PCDH15: variants seen among roughly 807,000 people sequenced by gnomAD.
PCDH15 encodes the protein protocadherin related 15, also known as protocadherin-15.
A neutral mutation model predicts 178.5 loss-of-function variants in PCDH15; 129 were observed. The observed-to-expected ratio is 0.72, with a 90% CI of 0.63 to 0.84. The LOEUF (loss-of-function observed/expected upper bound fraction) is 0.84. Among genes scored for constraint, PCDH15 ranks in the 40% least tolerant of loss-of-function variants. The pLI, the probability that PCDH15 is intolerant of heterozygous loss-of-function variation, is 0.00. For missense variants in PCDH15, 2,230 were observed against 2,099.9 expected, an observed-to-expected ratio of 1.06 and a Z score of -1.21; for synonymous variants, 800 against 732.0, an observed-to-expected ratio of 1.09 and a Z score of -1.50.
chr10:55,074,896 G>A (rs1362687247), intron 2 of PCDH15, among the ~76,000 whole-genome samples: 1 of 152,098 alleles, frequency 6.6e-6, no homozygotes, highest in African/African-American at 2.4e-5. Flanking sequence ...TTTTGTATAA[G>A]GTATATGGAA....
At chr10:55,437,156 A>T (rs1243262049) in intron 2 of PCDH15, among the ~76,000 whole-genome samples, 1 of 152,182 alleles carries the variant, frequency 6.6e-6, no homozygotes, top group African/African-American at 2.4e-5. Flanking sequence ...TCAACAGGAA[A>T]ATCAAATACC....
intron 21 of PCDH15, among the ~76,000 whole-genome samples, chr10:53,987,457 G>T (rs963822332): frequency 6.6e-6 from 1 of 152,112 alleles, no homozygotes; most frequent in African/African-American, 2.4e-5. Context: ...TCATACATAG[G>T]TTTAAATATG....
At chr10:55,173,878 T>C (rs937439072) in intron 1 of PCDH15, among the ~76,000 whole-genome samples, 1 of 152,154 alleles carries the variant, frequency 6.6e-6, no homozygotes. Context: ...AGAAAATTTA[T>C]ACCAATACAT....
At chr10:55,098,895 T>C (rs1012865787) in intron 2 of PCDH15, among the ~76,000 whole-genome samples, 1 of 120,198 alleles carries the variant, frequency 8.3e-6, no homozygotes, top group African/African-American at 3.4e-5. Context: ...AAAACTTCAA[T>C]GAGAGAGAGA....
chr10:55,486,473 A>T (rs1346184226), intron 2 of PCDH15, among the ~76,000 whole-genome samples: 2 of 151,492 alleles, frequency 1.3e-5, no homozygotes, highest in Non-Finnish European at 3.0e-5. Context: ...TACATTTTAT[A>T]TTAATAACTA....
chr10:55,047,696 C>T lies in PCDH15; in HGVS notation c.-80+118880G>A, dbSNP rs201352409. On this transcript the variant is annotated intron_variant, in intron 2 of 5. Coordinates refer to the PCDH15 transcript ENST00000458638. ...TGAGTTGGGGAAGTTGATTGTAGGT[C>T]ACATTTTTAGCATACAATTCCCCTA... Among the ~76,000 whole-genome samples, 3 of 151,680 alleles carry T rather than the reference C, an allele frequency of 2.0e-5. No individual in the cohort carries two copies. The East Asian group carries it at 5.8e-4, about 29-fold the overall frequency.
At chr10:55,492,302 G>A (rs1589078282) in intron 2 of PCDH15, among the ~76,000 whole-genome samples, 1 of 151,700 alleles carries the variant, frequency 6.6e-6, no homozygotes, top group Non-Finnish European at 1.5e-5. Context: ...CACATTCAAG[G>A]CTTAAAGGCA....
chr10:53,808,697 G>A (rs750411339), intron 37 of PCDH15: 1 of 1,612,214 alleles, frequency 6.2e-7, no homozygotes, highest in Non-Finnish European at 8.5e-7. Context: ...CTCTTTCAAA[G>A]TGCTGTGTTG....
intron 1 of PCDH15, among the ~76,000 whole-genome samples, chr10:55,250,685 C>T (rs1841813679): frequency 6.6e-6 from 1 of 151,238 alleles, no homozygotes; most frequent in East Asian, 2.0e-4. Context: ...TACAGGTGCC[C>T]GCCACCACAC....
Position 54,564,013 on chromosome 10 carries a change from A to G in PCDH15, c.92-36136T>C, listed in dbSNP as rs1000081891. 2.6e-5 allele frequency among the ~76,000 whole-genome samples: 4 copies of G among 152,180 alleles called. No homozygotes were observed. In the South Asian group the frequency reaches 8.3e-4, roughly 32 times the overall value. On this transcript the variant is annotated intron_variant, in intron 2 of 37. Coordinates refer to ENST00000644397, the MANE Select transcript of PCDH15 (RefSeq NM_001384140.1). Reference sequence around the variant, plus strand: ...CTAGCTGACTTGTTCTCAAGAACACAGAGGAACATGGAGGAGAGGCAAGGC... The same window carrying G: ...CTAGCTGACTTGTTCTCAAGAACACGGAGGAACATGGAGGAGAGGCAAGGC...
intron 8 of PCDH15, among the ~76,000 whole-genome samples, chr10:54,294,717 C>T (rs531997058): frequency 1.0e-3 from 153 of 152,272 alleles, no homozygotes; most frequent in African/African-American, 3.6e-3. Context: ...GTCAAAATTA[C>T]ACACCAAGCT....
At chr10:54,351,498 A>G (rs898469529) in intron 5 of PCDH15, among the ~76,000 whole-genome samples, 5 of 152,116 alleles carry the variant, frequency 3.3e-5, no homozygotes, top group Admixed American at 1.3e-4. Context: ...TAGAAACTCA[A>G]TTAATTATTC....
rs118024191 is a variant in PCDH15, at chr10:54,522,179, C to T, written c.157+5633G>A. On this transcript the variant is annotated intron_variant, in intron 3 of 37. Transcript: ENST00000644397. The stretch of plus-strand genomic sequence containing the variant: ...TTGTGAATTTGAATTTTTAATTATG[C>T]GCTGCTATGACATTGAGTGATGAAA... Among the ~76,000 whole-genome samples the T allele has an allele frequency of 2.3e-3, 352 of 150,548 alleles. 1 individual carries two copies. Among genetic ancestry groups the T allele is most frequent in the South Asian group, 0.016 (77 of 4,750 alleles).
At chr10:55,239,746 GACA>G (rs1841490396) in intron 1 of PCDH15, among the ~76,000 whole-genome samples, 1 of 152,108 alleles carries the variant, frequency 6.6e-6, no homozygotes, top group Non-Finnish European at 1.5e-5. Flanking sequence ...AAAGTGAGGA[GACA>G]ACGCCTTAGA....
At chr10:55,607,660 A>T (rs1346843849) in intron 2 of PCDH15, among the ~76,000 whole-genome samples, 1 of 147,692 alleles carries the variant, frequency 6.8e-6, no homozygotes, top group Non-Finnish European at 1.5e-5. Flanking sequence ...AAAAAACCAA[A>T]CACCGCATAT....
intron 5 of PCDH15, among the ~76,000 whole-genome samples, chr10:54,366,243 A>T (rs895073467): frequency 2.6e-5 from 4 of 152,074 alleles, no homozygotes; most frequent in Non-Finnish European, 5.9e-5. Flanking sequence ...TGACTTTATT[A>T]TACCTGTCTT....
intron 1 of PCDH15, among the ~76,000 whole-genome samples, chr10:55,174,831 G>C (rs959265658): frequency 7.2e-5 from 11 of 152,120 alleles, no homozygotes; most frequent in Non-Finnish European, 1.3e-4. Context: ...TTGTGAATAT[G>C]GCCCTATTAA....
intron 2 of PCDH15, among the ~76,000 whole-genome samples, chr10:54,903,972 T>G (rs1954680464): frequency 6.6e-6 from 1 of 152,052 alleles, no homozygotes; most frequent in South Asian, 2.1e-4. Flanking sequence ...CAATGACATA[T>G]TATTACTATT....
intron 3 of PCDH15, among the ~76,000 whole-genome samples, chr10:54,517,869 C>T (rs541571375): frequency 6.6e-6 from 1 of 152,182 alleles, no homozygotes; most frequent in East Asian, 1.9e-4. Context: ...GTCTCTCAGA[C>T]CACAGTGCAA....
Sources: gnomAD v4.1 joint callset for allele counts (sites outside exome capture counted in the v4.1 genomes callset) on GRCh38, gnomAD v4.1.1 for gene constraint, MANE v1.5 for transcripts, NCBI Gene and HGNC (gene_info 2026-07-23, HGNC 2026-07-21) for gene names.